Variants in UBE3C observed in about 807,000 individuals in gnomAD.
UBE3C encodes the protein ubiquitin protein ligase E3C.
UBE3C carries 42 observed loss-of-function variants against 129.4 expected under a neutral mutation model. The observed-to-expected ratio is 0.32, with a 90% CI of 0.25 to 0.42. The LOEUF is 0.42. UBE3C is among the 10% of genes least tolerant of loss of function. UBE3C has a pLI of 1.00. For missense variants in UBE3C, 1,049 were observed against 1,319.1 expected, an observed-to-expected ratio of 0.80 and a Z score of 3.17; for synonymous variants, 510 against 492.4, an observed-to-expected ratio of 1.04 and a Z score of -0.47.
At chr7:157,254,471 C>T (rs1217449136) in intron 21 of UBE3C, among the ~76,000 whole-genome samples, 161 bp downstream of exon 21, 1 of 151,444 alleles carries the variant, frequency 6.6e-6, no homozygotes, top group East Asian at 2.0e-4. Context: ...GATCCCAGCT[C>T]ACTGAAACCT....
At chr7:157,263,736 C>CT (rs1796986730) in intron 22 of UBE3C, among the ~76,000 whole-genome samples, 1 of 144,908 alleles carries the variant, frequency 6.9e-6, no homozygotes, top group Non-Finnish European at 1.5e-5. Context: ...ACCGAAAGCA[C>CT]TTTTTTTATA....
intron 22 of UBE3C, among the ~76,000 whole-genome samples, chr7:157,267,026 C>CT (rs1797096334): frequency 6.6e-6 from 1 of 152,156 alleles, no homozygotes; most frequent in Non-Finnish European, 1.5e-5. Flanking sequence ...CAGGTGTGAG[C>CT]TATGCGCCTG....
At chr7:157,178,637 T>C (rs1808587250) in intron 5 of UBE3C, 53 bp from the exon 6 acceptor site, 1 of 1,567,908 alleles carries the variant, frequency 6.4e-7, no homozygotes, top group African/African-American at 1.3e-5. Flanking sequence ...TTGGGGAAAC[T>C]GGTGACATTT....
chr7:157,189,009 G>C (rs766493499), intron 10 of UBE3C: 1 of 571,176 alleles, frequency 1.8e-6, no homozygotes, highest in East Asian at 2.6e-5. Flanking sequence ...CGAGACAGAT[G>C]CGTACATGAA....
At chr7:157,254,386 T>A (rs956985503) in intron 21 of UBE3C, 76 bp downstream of exon 21, 5 of 768,558 alleles carry the variant, frequency 6.5e-6, no homozygotes, top group South Asian at 9.9e-5. Context: ...TTTATTTTAT[T>A]TTAATTAATT....
At chr7:157,197,810 C>A (rs1246975049) in intron 10 of UBE3C, 1 of 1,613,052 alleles carries the variant, frequency 6.2e-7, no homozygotes, top group Non-Finnish European at 8.5e-7. Context: ...CATCTGCTAA[C>A]CTGATTTGAA....
chr7:157,152,367 G>A (rs538483268), intron 1 of UBE3C, among the ~76,000 whole-genome samples: 1 of 152,248 alleles, frequency 6.6e-6, no homozygotes, highest in East Asian at 1.9e-4. Flanking sequence ...GATGCGTGGG[G>A]GGCAGTTTGG....
chr7:157,171,967 A>G (rs780983940), intron 4 of UBE3C, among the ~76,000 whole-genome samples: 9 of 150,600 alleles, frequency 6.0e-5, no homozygotes, highest in Admixed American at 1.3e-4. Flanking sequence ...TCGGCCACCC[A>G]TAGTGCTGGG....
intron 11 of UBE3C, among the ~76,000 whole-genome samples, chr7:157,204,397 T>TTAAAAAAAAAAA (rs1809374148): frequency 1.1e-5 from 1 of 93,102 alleles, no homozygotes; most frequent in Non-Finnish European, 2.4e-5. Flanking sequence ...AAACTTTGTT[T>TTAAAAAAAAAAA]CAAAAAAAAA....
chr7:157,187,767 G>A (rs1156359981), intron 10 of UBE3C, among the ~76,000 whole-genome samples: 4 of 151,824 alleles, frequency 2.6e-5, no homozygotes, highest in Admixed American at 6.6e-5. Context: ...TAGTAAAGAC[G>A]GGGTTTCACC....
At chr7:157,241,875 T>G (rs1796338588) in intron 18 of UBE3C, among the ~76,000 whole-genome samples, 1 of 152,140 alleles carries the variant, frequency 6.6e-6, no homozygotes, top group Admixed American at 6.5e-5. Flanking sequence ...GGATGTGCCT[T>G]GAGAATGTTC....
At chr7:157,238,384 T>G (rs536741806) in intron 18 of UBE3C, among the ~76,000 whole-genome samples, 18 of 151,688 alleles carry the variant, frequency 1.2e-4, no homozygotes, top group Admixed American at 5.9e-4. Flanking sequence ...CCGGATGGAG[T>G]GTCACATCGT....
intron 10 of UBE3C, among the ~76,000 whole-genome samples, chr7:157,197,030 G>T (rs1390280064): frequency 6.6e-6 from 1 of 152,156 alleles, no homozygotes; most frequent in African/African-American, 2.4e-5. Context: ...TCATAATTCT[G>T]CAAAATACAA....
intron 11 of UBE3C, among the ~76,000 whole-genome samples, chr7:157,204,615 A>G (rs1474204248): frequency 6.6e-6 from 1 of 152,108 alleles, no homozygotes; most frequent in Non-Finnish European, 1.5e-5. Flanking sequence ...ACATTTTGCA[A>G]ATAACATCTT....
intron 1 of UBE3C, among the ~76,000 whole-genome samples, chr7:157,162,333 T>TA (rs1808092928): frequency 6.6e-6 from 1 of 151,978 alleles, no homozygotes; most frequent in South Asian, 2.1e-4. Context: ...TAGCTGGGAC[T>TA]ACTGGTATGT....
At chr7:157,193,033 G>A (rs1254530402) in intron 10 of UBE3C, among the ~76,000 whole-genome samples, 15 of 152,096 alleles carry the variant, frequency 9.9e-5, no homozygotes. Flanking sequence ...TGTTTAAATT[G>A]GTTCTGGTGT....
chr7:157,155,895 C>A (rs889077524), intron 1 of UBE3C, among the ~76,000 whole-genome samples: 1 of 152,162 alleles, frequency 6.6e-6, no homozygotes, highest in Non-Finnish European at 1.5e-5. Context: ...TGGCCTCGGT[C>A]GTTTCAGAGA....
chr7:157,150,459 A>G (rs1807726378), intron 1 of UBE3C, among the ~76,000 whole-genome samples: 1 of 152,232 alleles, frequency 6.6e-6, no homozygotes, highest in Admixed American at 6.5e-5. Context: ...GTAAAAATTT[A>G]TTCTAGTGAA....
At chr7:157,143,775 A>G (rs1311851079) in intron 1 of UBE3C, among the ~76,000 whole-genome samples, 1 of 152,146 alleles carries the variant, frequency 6.6e-6, no homozygotes, top group Non-Finnish European at 1.5e-5. Flanking sequence ...CACAGGAAGG[A>G]GTCTAGGCTA....
Sources: gnomAD v4.1 joint callset for allele counts (sites outside exome capture counted in the v4.1 genomes callset) on GRCh38, gnomAD v4.1.1 for gene constraint, MANE v1.5 for transcripts, NCBI Gene and HGNC (gene_info 2026-07-23, HGNC 2026-07-21) for gene names.